Variants in GRIK4 observed in about 807,000 individuals in gnomAD.
GRIK4 encodes the protein glutamate receptor ionotropic, kainate 4.
A neutral mutation model predicts 104.9 loss-of-function variants in GRIK4; 40 were observed. That is an observed-to-expected ratio of 0.38 (90% CI 0.30 to 0.50). The LOEUF is 0.50. GRIK4 is among the 20% of genes least tolerant of loss of function. The pLI is 0.93. For missense variants in GRIK4, 1,047 were observed against 1,308.1 expected, an observed-to-expected ratio of 0.80 and a Z score of 3.08; for synonymous variants, 485 against 524.9, an observed-to-expected ratio of 0.92 and a Z score of 1.04.
At chr11:120,794,677 A>T (rs1180994474) in intron 3 of GRIK4, among the ~76,000 whole-genome samples, 1 of 152,114 alleles carries the variant, frequency 6.6e-6, no homozygotes, top group Non-Finnish European at 1.5e-5. Flanking sequence ...CCACACCTTG[A>T]TCTTAGACTT....
intron 3 of GRIK4, among the ~76,000 whole-genome samples, chr11:120,777,185 A>G (rs1036031648): frequency 4.6e-5 from 7 of 152,144 alleles, no homozygotes; most frequent in Non-Finnish European, 1.0e-4. Context: ...GTCCCTTTCA[A>G]TGGCTTACAA....
intron 1 of GRIK4, among the ~76,000 whole-genome samples, chr11:120,559,384 C>G (rs1260170517): frequency 6.6e-6 from 1 of 152,216 alleles, no homozygotes; most frequent in Admixed American, 6.5e-5. Flanking sequence ...GTGGGCCAGA[C>G]AGAACCTATT....
chr11:120,791,177 G>C (rs1456464445), intron 3 of GRIK4, among the ~76,000 whole-genome samples: 1 of 152,168 alleles, frequency 6.6e-6, no homozygotes, highest in Non-Finnish European at 1.5e-5. Flanking sequence ...CACTTACATA[G>C]TGTCTAGCAT....
intron 1 of GRIK4, among the ~76,000 whole-genome samples, chr11:120,643,190 A>G (rs886089806): frequency 6.6e-5 from 10 of 152,218 alleles, no homozygotes; most frequent in South Asian, 2.1e-4. Context: ...GAAATATAAT[A>G]AGTAAATTAT....
chr11:120,596,873 C>T (rs1236084549), intron 1 of GRIK4, among the ~76,000 whole-genome samples: 1 of 151,982 alleles, frequency 6.6e-6, no homozygotes, highest in African/African-American at 2.4e-5. Flanking sequence ...TACAGGTGCC[C>T]GCCACCACAC....
intron 13 of GRIK4, among the ~76,000 whole-genome samples, chr11:120,937,486 C>T (rs190886137): frequency 1.6e-3 from 251 of 152,294 alleles, no homozygotes; most frequent in African/African-American, 5.5e-3. Context: ...ATGCAAGAAA[C>T]GACCGCCACA....
chr11:120,697,222 G>A (rs1191910642), intron 3 of GRIK4, among the ~76,000 whole-genome samples: 1 of 152,212 alleles, frequency 6.6e-6, no homozygotes, highest in Non-Finnish European at 1.5e-5. Flanking sequence ...GGTTGGCTGT[G>A]CTGATTCAGG....
At chr11:120,700,289 A>T (rs534843968) in intron 3 of GRIK4, among the ~76,000 whole-genome samples, 24 of 123,036 alleles carry the variant, frequency 2.0e-4, no homozygotes, top group South Asian at 1.0e-3. Context: ...TTTTTTTGAG[A>T]TGGAGTCTCG....
At chr11:120,835,942 G>T (rs1338863549) in intron 7 of GRIK4, among the ~76,000 whole-genome samples, 1 of 152,196 alleles carries the variant, frequency 6.6e-6, no homozygotes, top group Non-Finnish European at 1.5e-5. Flanking sequence ...GTGATCAAGG[G>T]TGAGGCATGC....
At chr11:120,756,973 T>C (rs1234380636) in intron 3 of GRIK4, among the ~76,000 whole-genome samples, 7 of 152,222 alleles carry the variant, frequency 4.6e-5, no homozygotes, top group Admixed American at 4.6e-4. Context: ...TTTTCTGATC[T>C]TGAAGGAGGT....
At chr11:120,878,157 G>A (rs1954868678) in intron 11 of GRIK4, among the ~76,000 whole-genome samples, 1 of 152,184 alleles carries the variant, frequency 6.6e-6, no homozygotes, top group Admixed American at 6.5e-5. Flanking sequence ...ATCCTCCACA[G>A]CGGCTGCAGT....
At chr11:120,864,766 T>C (rs1320515634) in intron 9 of GRIK4, among the ~76,000 whole-genome samples, 1 of 152,204 alleles carries the variant, frequency 6.6e-6, no homozygotes, top group Non-Finnish European at 1.5e-5. Context: ...CGGTTCCTAG[T>C]GGGCTTCTTT....
At chr11:120,907,206 G>C (rs984612532) in intron 13 of GRIK4, among the ~76,000 whole-genome samples, 1 of 152,164 alleles carries the variant, frequency 6.6e-6, no homozygotes, top group South Asian at 2.1e-4. Flanking sequence ...GAAATGCCAG[G>C]CCTTTTCTTT....
chr11:120,750,771 A>G (rs1367080754), intron 3 of GRIK4, among the ~76,000 whole-genome samples: 3 of 152,120 alleles, frequency 2.0e-5, no homozygotes, highest in Non-Finnish European at 4.4e-5. Flanking sequence ...ATAATAATCT[A>G]TTGATGAGCT....
chr11:120,704,138 G>A (rs1229994225), intron 3 of GRIK4, among the ~76,000 whole-genome samples: 1 of 152,238 alleles, frequency 6.6e-6, no homozygotes, highest in Non-Finnish European at 1.5e-5. Flanking sequence ...GGTCAAATGA[G>A]ATAATAACCA....
intron 8 of GRIK4, among the ~76,000 whole-genome samples, chr11:120,842,838 C>T: frequency 6.6e-6 from 1 of 152,234 alleles, no homozygotes; most frequent in Non-Finnish European, 1.5e-5. Flanking sequence ...GGCCTCTGGG[C>T]AACCAGTCTA....
intron 1 of GRIK4, among the ~76,000 whole-genome samples, chr11:120,621,814 C>T (rs1949193144): frequency 6.6e-6 from 1 of 152,182 alleles, no homozygotes; most frequent in Non-Finnish European, 1.5e-5. Flanking sequence ...AGCGGCAGTA[C>T]AAGGGGGTCT....
chr11:120,758,148 C>T (rs1191692535), intron 3 of GRIK4, among the ~76,000 whole-genome samples: 3 of 152,120 alleles, frequency 2.0e-5, no homozygotes, highest in Admixed American at 6.5e-5. Context: ...AGGTGGCACA[C>T]GATCCCATGC....
At chr11:120,843,064 G>A (rs992360286) in intron 8 of GRIK4, among the ~76,000 whole-genome samples, 10 of 152,272 alleles carry the variant, frequency 6.6e-5, no homozygotes, top group South Asian at 4.1e-4. Context: ...TCAGCAGAGA[G>A]AAGTGTTGAG....
Sources: allele counts gnomAD v4.1 joint callset (sites outside exome capture counted in the v4.1 genomes callset), GRCh38; gene constraint gnomAD v4.1.1; transcripts MANE v1.5; gene names NCBI Gene and HGNC (gene_info 2026-07-23, HGNC 2026-07-21).